The following UBR4 variants were observed in gnomAD, a reference collection of about 807,000 sequenced individuals.
UBR4 encodes the protein E3 ubiquitin-protein ligase UBR4.
Under a neutral mutation model 575.6 loss-of-function variants are expected in UBR4, and 124 were observed. The ratio of observed to expected loss-of-function variants is 0.22; its 90% CI spans 0.19 to 0.25. The LOEUF (loss-of-function observed/expected upper bound fraction) is 0.25. Among genes scored for constraint, UBR4 ranks in the 10% least tolerant of loss-of-function variants. The probability of loss-of-function intolerance (pLI) is 1.00; values close to 1 mark genes in which losing one functional copy is unlikely to be tolerated. For missense variants in UBR4, 4,818 were observed against 6,478.8 expected (o/e 0.74, Z 8.80); for synonymous variants, 2,455 against 2,473.7 (o/e 0.99, Z 0.22).
intron 47 of UBR4, 127 bp from the exon 48 acceptor site, chr1:19,151,986 A>G (rs55954884): frequency 9.8e-5 from 89 of 910,852 alleles, no homozygotes; most frequent in Non-Finnish European, 1.3e-4. Flanking sequence ...ACTCCCTGGT[A>G]ATGACTTCCT....
intron 26 of UBR4, 78 bp downstream of exon 26, chr1:19,170,684 A>C: frequency 6.3e-7 from 1 of 1,594,426 alleles, no homozygotes; most frequent in Non-Finnish European, 8.6e-7. Context: ...GCCAGTAGGC[A>C]CCAAGGGAGA....
At chr1:19,095,438 G>A (rs1235606159) in intron 93 of UBR4, 107 bp downstream of exon 93, 4 of 1,068,116 alleles carry the variant, frequency 3.7e-6, no homozygotes, top group Non-Finnish European at 5.7e-6. Flanking sequence ...GAGATGAAGG[G>A]CTTGAAGAAG....
At chr1:19,137,226 G>A (rs12120450) in intron 60 of UBR4, among the ~76,000 whole-genome samples, 13,070 of 151,848 alleles carry the variant, frequency 0.086, 666 homozygotes, top group Non-Finnish European at 0.12. Context: ...CCTGAGCCTG[G>A]GAGGTTGAGG....
rs753343415 is a variant in UBR4, at chr1:19,161,817, C to G, written c.5027+10G>C. 1 of 1,614,240 alleles carries G rather than the reference C, an allele frequency of 6.2e-7. No individual in the cohort carries two copies. ...GCAAATCTTCACCTTAAAGGAAGAA[C>G]TACCCTTACCAATGCTGGTTCATGA... On this transcript the variant is annotated intron_variant, in intron 36 of 105. Coordinates refer to ENST00000375254, the MANE Select transcript of UBR4 (RefSeq NM_020765.3).
At chr1:19,114,747 AC>A in intron 75 of UBR4, 63 bp downstream of exon 75, 1 of 1,599,204 alleles carries the variant, frequency 6.3e-7, no homozygotes, top group Non-Finnish European at 8.5e-7. Flanking sequence ...ACTGCACTGC[AC>A]CAGGTCTGCC....
chr1:19,124,579 G>T lies in UBR4; in HGVS notation c.9550C>A (p.Pro3184Thr). The T allele has an allele frequency of 6.2e-7, 1 of 1,614,232 alleles. No homozygotes were observed. The highest frequency in any genetic ancestry group is 8.5e-7 in the Non-Finnish European group (1 of 1,180,036). ...ITDTNSRIPPPVFDHSWFYFL... is the reference protein window; with the variant it reads ...ITDTNSRIPPTVFDHSWFYFL... ...TAAAACCACGAGTGGTCAAAGACAG[G>T]AGGTGGGATTCGAGAATTGGTGTCA... Residue 3184 changes from proline to threonine, a missense_variant, in exon 65 of 106, where the codon CCT becomes ACT. Transcript: ENST00000375254.
At position 19,209,752 on chromosome 1, in the gene UBR4, C is replaced by T. The variant is rs528013137; in HGVS notation, c.176+321G>A. 4.0e-4 allele frequency among the ~76,000 whole-genome samples: 61 copies of T among 152,328 alleles called. No homozygotes were observed. In the South Asian group the frequency reaches 0.012, roughly 30 times the overall value. Reference sequence around the variant, plus strand: ...GCGAGAAATGCAAACTCATCTGTGACTTGACCCAAGGGGCAGCCCCGTGAA... The same window carrying T: ...GCGAGAAATGCAAACTCATCTGTGATTTGACCCAAGGGGCAGCCCCGTGAA... On this transcript the variant is annotated intron_variant, in intron 1 of 105. Coordinates refer to ENST00000375254, the MANE Select transcript of UBR4 (RefSeq NM_020765.3).
chr1:19,150,492 G>A (rs889471918), intron 49 of UBR4, 85 bp downstream of exon 49: 1 of 1,446,104 alleles, frequency 6.9e-7, no homozygotes, highest in South Asian at 1.2e-5. Context: ...ATGGTTATTA[G>A]AAGCTGGCTC....
chr1:19,114,287 C>T (rs573866687), intron 75 of UBR4, among the ~76,000 whole-genome samples: 2 of 152,292 alleles, frequency 1.3e-5, no homozygotes, highest in South Asian at 2.1e-4. Context: ...TAATACAATG[C>T]TGAGAGAAGT....
intron 44 of UBR4, among the ~76,000 whole-genome samples, chr1:19,154,457 C>G (rs2086169640): frequency 6.6e-6 from 1 of 152,180 alleles, no homozygotes; most frequent in Admixed American, 6.5e-5. Flanking sequence ...TTACACACCC[C>G]TCTATTATTT....
At chr1:19,090,818 G>A (rs776596595) in intron 97 of UBR4, among the ~76,000 whole-genome samples, 4 of 152,216 alleles carry the variant, frequency 2.6e-5, no homozygotes, top group Non-Finnish European at 5.9e-5. Context: ...TGGATGGCCA[G>A]ACACAATGGC....
rs1374711709 is a variant in UBR4 at position 19,110,733 on chromosome 1, C to T, written c.11892+9G>A. ...AGAGAGGACAGCTGGGCCTGCTAGG[C>T]CGGCTCACCAGATCGGGGTTGGCCC... On this transcript the variant is annotated intron_variant, in intron 79 of 105. Coordinates refer to ENST00000375254, the MANE Select transcript of UBR4 (RefSeq NM_020765.3). The surrounding 1 kb of genome is among the most constrained non-coding windows in gnomAD (Gnocchi z 4.5). The T allele has an allele frequency of 2.5e-6, 4 of 1,613,926 alleles. No homozygotes were observed. The highest frequency in any genetic ancestry group is 3.4e-6 in the Non-Finnish European group (4 of 1,179,956).
At chr1:19,131,093 G>A (rs1400557482) in intron 60 of UBR4, among the ~76,000 whole-genome samples, 2 of 150,986 alleles carry the variant, frequency 1.3e-5, no homozygotes, top group African/African-American at 4.9e-5. Flanking sequence ...ATTTTTTGTA[G>A]AGACAGGGTC....
chr1:19,121,460 A>T (rs369964300), intron 67 of UBR4, 26 bp from the exon 68 acceptor site: 2 of 1,599,730 alleles, frequency 1.3e-6, no homozygotes, highest in African/African-American at 2.7e-5. Flanking sequence ...ACAGAGGCTC[A>T]CCTCTGAGAC....
Position 19,100,992 on chromosome 1 carries a change from G to A in UBR4, c.13024-419C>T, listed in dbSNP as rs1160612372. Among the ~76,000 whole-genome samples the A allele has an allele frequency of 6.6e-6, 1 of 152,054 alleles. No homozygotes were observed. The highest frequency in any genetic ancestry group is 2.4e-5 in the African/African-American group (1 of 41,378). On this transcript the variant is annotated intron_variant, in intron 88 of 105. Transcript: ENST00000375254. The surrounding 1 kb of genome is among the most constrained non-coding windows in gnomAD (Gnocchi z 4.2). ...AGAAAAGGGCTTCTCTATGGGACATGACACTCAGGTACACACCCCCAATGA... is the reference window on the plus strand; with the variant it reads ...AGAAAAGGGCTTCTCTATGGGACATAACACTCAGGTACACACCCCCAATGA...
chr1:19,138,275 C>G, intron 59 of UBR4, 94 bp from the exon 60 acceptor site: 1 of 1,335,146 alleles, frequency 7.5e-7, no homozygotes, highest in Non-Finnish European at 9.9e-7. Flanking sequence ...AAGACAGTAA[C>G]TGACAGCATT....
At chr1:19,128,399 C>T (rs567625068) in intron 61 of UBR4, 81 bp from the exon 62 acceptor site, 1 of 1,180,104 alleles carries the variant, frequency 8.5e-7, no homozygotes, top group South Asian at 1.3e-5. Context: ...CAGAAGAAAT[C>T]CTAATCTTCC....
rs949300443 is a variant in UBR4, at chr1:19,210,237, G to C, written c.12C>G (p.Ser4Arg). 2.1e-6 allele frequency: 3 copies of C among 1,430,708 alleles called. No homozygotes were observed. In the African/African-American group the frequency reaches 4.5e-5, roughly 21 times the overall value. 88.6% of individuals were successfully genotyped at this position (1,430,708 alleles called of 1,614,324 possible). MAT[S>R]GGEEAAAAAP... ...CCGCTGCCGCCGCCTCTTCGCCGCC[G>C]CTCGTCGCCATCTTCCGTCGTACTA... Residue 4 changes from serine (S) to arginine (R), a missense_variant, in exon 1 of 106, where the codon AGC (serine) becomes AGG (arginine). Coordinates refer to ENST00000375254, the MANE Select transcript of UBR4 (RefSeq NM_020765.3).
intron 101 of UBR4, 95 bp from the exon 102 acceptor site, chr1:19,084,793 G>T: frequency 8.1e-7 from 1 of 1,239,124 alleles, no homozygotes. Context: ...TCCCAGGCCT[G>T]ATGGCTGCAA....
Sources: gnomAD v4.1 joint callset for allele counts (sites outside exome capture counted in the v4.1 genomes callset) on GRCh38, gnomAD v4.1.1 for gene constraint, Gnocchi (gnomAD v3.1) non-coding constraint, MANE v1.5 for transcripts, NCBI Gene and HGNC (gene_info 2026-07-23, HGNC 2026-07-21) for gene names.